LACTBL1: variants seen among roughly 807,000 people sequenced by gnomAD.
LACTBL1 encodes lactamase beta like 1, also known as beta-lactamase-like protein 1.
A neutral mutation model predicts 39.6 loss-of-function variants in LACTBL1; 29 were observed. That is an observed-to-expected ratio of 0.73 (90% CI 0.55 to 1.00). LACTBL1 has a LOEUF of 1.00. Among genes scored for constraint, LACTBL1 ranks in the 50% least tolerant of loss-of-function variants. The pLI is 0.00. For synonymous variants in LACTBL1, 361 were observed against 360.7 expected (o/e 1.00, Z -0.01); for missense variants, 711 against 748.5 (o/e 0.95, Z 0.59).
At chr1:22,953,185 A>G in exon 6 of LACTBL1, 1 of 1,232,128 alleles carries the variant, frequency 8.1e-7, no homozygotes, top group African/African-American at 1.5e-5. Context: ...CTCGAGCGAG[A>G]GCCACGCGTC....
exon 6 of LACTBL1, chr1:22,953,451 G>A: frequency 8.1e-7 from 1 of 1,227,300 alleles, no homozygotes; most frequent in Non-Finnish European, 1.0e-6. Context: ...CCCGGAGGGC[G>A]CGCTCCAGGG....
chr1:22,953,579 A>G, exon 6 of LACTBL1: 1 of 1,253,424 alleles, frequency 8.0e-7, no homozygotes, highest in East Asian at 3.2e-5. Flanking sequence ...GTGGCGGCGT[A>G]GCCGTCCAGA....
intron 1 of LACTBL1, among the ~76,000 whole-genome samples, chr1:22,964,461 C>T (rs532644907): frequency 8.2e-4 from 125 of 152,336 alleles, no homozygotes; most frequent in African/African-American, 2.8e-3. Flanking sequence ...ACCCGACCCC[C>T]AAGCCGACTT....
intron 5 of LACTBL1, 44 bp downstream of exon 7, chr1:22,955,277 G>A (rs1057387668): frequency 6.9e-5 from 101 of 1,467,064 alleles, no homozygotes; most frequent in Non-Finnish European, 8.8e-5. Flanking sequence ...TGTCTCCCCA[G>A]GAGGCTCCTA....
At chr1:22,959,150 C>A in intron 3 of LACTBL1, among the ~76,000 whole-genome samples, 1 of 152,230 alleles carries the variant, frequency 6.6e-6, no homozygotes, top group East Asian at 1.9e-4. Context: ...GGGCCAGGCT[C>A]TTTTCCAGCC....
At chr1:22,958,855 A>G in exon 4 of LACTBL1, 1 of 1,550,626 alleles carries the variant, frequency 6.4e-7, no homozygotes, top group Non-Finnish European at 8.7e-7. Context: ...TAGGGAGGCC[A>G]CGATGCCCTC....
chr1:22,960,305 A>T (rs1178300759), intron 2 of LACTBL1, among the ~76,000 whole-genome samples: 3 of 152,210 alleles, frequency 2.0e-5, no homozygotes, highest in African/African-American at 7.2e-5. Context: ...AAAATAAAAA[A>T]GGAGAGGGGG....
upstream of LACTBL1, chr1:22,965,442 A>G: frequency 3.2e-6 from 4 of 1,243,548 alleles, no homozygotes; most frequent in Non-Finnish European, 4.0e-6. Flanking sequence ...GAGCAAGGAC[A>G]TAAGGTACAG....
In LACTBL1 at chr1:22,958,690, A is replaced by T. The variant is rs747424374; in HGVS notation, c.548T>A (p.Leu183His). The change falls in exon 4 of 6, where the codon CTC becomes CAC. Residue 183 changes from leucine (L) to histidine (H), a missense_variant. By Grantham distance (99) the Leu-to-His change is moderately conservative. Coordinates refer to ENST00000426928, the Ensembl canonical transcript of LACTBL1. ...GAGTCAGTTCTGAGACTCACCTGAG[A>T]GCTGGCTGGCCATCCTTCGAAGGGT... 2.6e-6 allele frequency: 4 copies of T among 1,545,028 alleles called. No individual in the cohort carries two copies. The South Asian group carries it at 4.8e-5, about 19-fold the overall frequency.
the LACTBL1 span, among the ~76,000 whole-genome samples, chr1:22,970,791 C>T: frequency 7.3e-6 from 1 of 137,692 alleles, no homozygotes; most frequent in Non-Finnish European, 1.5e-5. Flanking sequence ...GCCTGGGCAA[C>T]AGCGCAAGAC....
upstream of LACTBL1, among the ~76,000 whole-genome samples, chr1:22,967,403 G>C (rs1263125855): frequency 6.6e-6 from 1 of 151,948 alleles, no homozygotes; most frequent in East Asian, 1.9e-4. Flanking sequence ...AATTAGCCAG[G>C]TGTGGTGGTA....
chr1:22,961,521 G>A (rs994171165), intron 2 of LACTBL1, among the ~76,000 whole-genome samples: 2 of 151,966 alleles, frequency 1.3e-5, no homozygotes, highest in African/African-American at 2.4e-5. Flanking sequence ...ATGCCACCAC[G>A]TGTGGCTAAT....
exon 6 of LACTBL1, chr1:22,953,827 A>T: frequency 1.3e-6 from 2 of 1,547,742 alleles, no homozygotes; most frequent in Non-Finnish European, 1.7e-6. Context: ...CAGGTCATAG[A>T]GTGGCGCCGG....
intron 2 of LACTBL1, 63 bp from the exon 5 acceptor site, chr1:22,960,162 C>G (rs1209401228): frequency 6.5e-7 from 1 of 1,530,550 alleles, no homozygotes; most frequent in African/African-American, 1.4e-5. Context: ...TAATCATCTG[C>G]AAAGCCACCC....
chr1:22,957,711 C>T (rs1032688431), intron 4 of LACTBL1, among the ~76,000 whole-genome samples: 5 of 131,384 alleles, frequency 3.8e-5, no homozygotes, highest in African/African-American at 8.9e-5. Context: ...AGTGCAATGA[C>T]GCGATCTCAG....
upstream of LACTBL1, among the ~76,000 whole-genome samples, chr1:22,967,392 A>G (rs998925154): frequency 2.6e-5 from 4 of 151,990 alleles, no homozygotes; most frequent in Non-Finnish European, 4.4e-5. Context: ...ATAAAAATAA[A>G]AATTAGCCAG....
chr1:22,960,675 C>T (rs545846495), intron 2 of LACTBL1, among the ~76,000 whole-genome samples: 52 of 148,170 alleles, frequency 3.5e-4, no homozygotes, highest in African/African-American at 1.1e-3. Flanking sequence ...CCATGTCTGA[C>T]GCCCTAAAAA....
At position 22,963,252 on chromosome 1, in the gene LACTBL1, G is replaced by A. The variant is rs1403378539; in HGVS notation, c.50-36C>T. The A allele has an allele frequency of 3.4e-6, 4 of 1,181,324 alleles. No individual in the cohort carries two copies. The East Asian group carries it at 9.4e-5, about 28-fold the overall frequency. 73.2% of individuals were successfully genotyped at this position (1,181,324 alleles called of 1,614,324 possible). ...CATCACATGGTGAGGAGGGGACAGA[G>A]ATCAGGATAGGAATCTAGGGGGAAA... On this transcript the variant is annotated intron_variant, in intron 1 of 5. Coordinates refer to ENST00000426928, the Ensembl canonical transcript of LACTBL1.
exon 6 of LACTBL1, chr1:22,953,856 G>A: frequency 6.5e-7 from 1 of 1,548,646 alleles, no homozygotes; most frequent in Non-Finnish European, 8.7e-7. Context: ...TGCCGTAGAA[G>A]CCCGCGGCCA....
Sources: allele counts gnomAD v4.1 joint callset (sites outside exome capture counted in the v4.1 genomes callset), GRCh38; gene constraint gnomAD v4.1.1; transcripts MANE v1.5; gene names NCBI Gene and HGNC (gene_info 2026-07-23, HGNC 2026-07-21).